PCDH7: variants seen among roughly 807,000 people sequenced by gnomAD.
PCDH7 encodes protocadherin-7.
PCDH7 carries 17 observed loss-of-function variants against 58.9 expected under a neutral mutation model. That is an observed-to-expected ratio of 0.29 (90% CI 0.20 to 0.43). The LOEUF (loss-of-function observed/expected upper bound fraction) is 0.43. Among genes scored for constraint, PCDH7 ranks in the 20% least tolerant of loss-of-function variants. The probability of loss-of-function intolerance (pLI) is 1.00; values close to 1 mark genes in which losing one functional copy is unlikely to be tolerated. For missense variants in PCDH7, 1,274 were observed against 1,441.0 expected (o/e 0.88, Z 1.88); for synonymous variants, 664 against 616.4 (o/e 1.08, Z -1.14).
intron 2 of PCDH7, among the ~76,000 whole-genome samples, chr4:30,946,559 T>C (rs1201708776): frequency 6.6e-6 from 1 of 152,146 alleles, no homozygotes; most frequent in Non-Finnish European, 1.5e-5. Context: ...AACTCTTTTT[T>C]TGCTGCCATT....
intron 1 of PCDH7, among the ~76,000 whole-genome samples, chr4:30,859,495 A>G (rs1560442491): frequency 6.7e-6 from 1 of 149,138 alleles, no homozygotes; most frequent in African/African-American, 2.5e-5. Context: ...GCTGGAGTGC[A>G]GTGGTGCAAT....
intron 1 of PCDH7, among the ~76,000 whole-genome samples, chr4:30,802,856 CAG>C (rs1290206203): frequency 3.9e-5 from 6 of 152,092 alleles, no homozygotes; most frequent in Admixed American, 3.9e-4. Context: ...AAATTTGTAG[CAG>C]AGTCAATCAG....
chr4:30,898,074 A>G (rs1160095473), intron 1 of PCDH7, among the ~76,000 whole-genome samples: 1 of 152,192 alleles, frequency 6.6e-6, no homozygotes, highest in Admixed American at 6.5e-5. Flanking sequence ...GCAGTAAGAT[A>G]AATTATACAT....
chr4:30,853,716 T>G (rs764016035), intron 1 of PCDH7, among the ~76,000 whole-genome samples: 1 of 152,144 alleles, frequency 6.6e-6, no homozygotes, highest in Admixed American at 6.6e-5. Flanking sequence ...AAGTCAAGTG[T>G]AAATGATGAT....
intron 1 of PCDH7, among the ~76,000 whole-genome samples, chr4:30,908,691 A>G (rs1411211942): frequency 6.6e-6 from 1 of 152,196 alleles, no homozygotes; most frequent in Non-Finnish European, 1.5e-5. Flanking sequence ...TCACAGCCAA[A>G]TTCTACCAGA....
At chr4:30,914,088 G>A (rs1742107659) in intron 1 of PCDH7, among the ~76,000 whole-genome samples, 2 of 152,098 alleles carry the variant, frequency 1.3e-5, no homozygotes, top group Middle Eastern at 3.2e-3. Flanking sequence ...GGCAGATAGA[G>A]GACCTCTCCC....
chr4:31,047,372 A>G (rs1279493810), intron 3 of PCDH7, among the ~76,000 whole-genome samples: 2 of 152,028 alleles, frequency 1.3e-5, no homozygotes, highest in Non-Finnish European at 2.9e-5. Context: ...CTTGGTCATC[A>G]TTTCATCTTT....
chr4:30,889,247 A>G (rs573810565), intron 1 of PCDH7, among the ~76,000 whole-genome samples: 1 of 151,966 alleles, frequency 6.6e-6, no homozygotes, highest in South Asian at 2.1e-4. Flanking sequence ...TTAATTAAGC[A>G]TTTATGACGT....
intron 3 of PCDH7, among the ~76,000 whole-genome samples, chr4:31,048,037 C>T (rs895971877): frequency 1.3e-5 from 2 of 151,966 alleles, no homozygotes; most frequent in Non-Finnish European, 2.9e-5. Context: ...TTTAATTAAG[C>T]AGTTATCTAT....
At chr4:30,987,431 TA>T (rs1244899984) in intron 3 of PCDH7, 1 of 152,130 alleles carries the variant, frequency 6.6e-6, no homozygotes, top group Non-Finnish European at 1.5e-5. Context: ...GAACCTCATT[TA>T]ATAGCTATAA....
At chr4:31,057,378 T>C (rs2109232292) in intron 3 of PCDH7, among the ~76,000 whole-genome samples, 1 of 152,232 alleles carries the variant, frequency 6.6e-6, no homozygotes, top group South Asian at 2.1e-4. Context: ...CTTTCAACAG[T>C]AGTGATGCAG....
chr4:31,097,449 GT>G (rs1244461138), intron 3 of PCDH7, among the ~76,000 whole-genome samples: 2 of 144,154 alleles, frequency 1.4e-5, no homozygotes, highest in African/African-American at 2.6e-5. Flanking sequence ...GTAAGACTTC[GT>G]CTAAAAAAGG....
chr4:30,889,137 C>CAAAAAAAA (rs371917620), intron 1 of PCDH7, among the ~76,000 whole-genome samples: 1 of 49,980 alleles, frequency 2.0e-5, no homozygotes, highest in African/African-American at 7.5e-5. Flanking sequence ...GCAGATATCT[C>CAAAAAAAA]AAAAAAAAAA....
intron 3 of PCDH7, among the ~76,000 whole-genome samples, chr4:31,018,770 A>T (rs79950753): frequency 6.6e-6 from 1 of 152,198 alleles, no homozygotes; most frequent in Admixed American, 6.5e-5. Context: ...TGCTTCTCCA[A>T]CCATGATTTT....
At chr4:30,867,652 A>G (rs1240985725) in intron 1 of PCDH7, among the ~76,000 whole-genome samples, 1 of 152,082 alleles carries the variant, frequency 6.6e-6, no homozygotes, top group Non-Finnish European at 1.5e-5. Flanking sequence ...AGGAGCCCAC[A>G]GAAGGTTTGG....
chr4:30,824,121 T>TTCTTTC (rs1290213401), intron 1 of PCDH7, among the ~76,000 whole-genome samples: 7 of 146,296 alleles, frequency 4.8e-5, no homozygotes, highest in Non-Finnish European at 1.0e-4. Flanking sequence ...CTTTCTTTCT[T>TTCTTTC]TCTTTCTTTC....
intron 3 of PCDH7, among the ~76,000 whole-genome samples, chr4:31,014,242 G>A (rs7689488): frequency 0.083 from 12,545 of 152,006 alleles, 936 homozygotes; most frequent in African/African-American, 0.2. Flanking sequence ...AAAAATGCTT[G>A]GAATGCTGCC....
At chr4:30,924,924 A>G (rs1743650223) in intron 2 of PCDH7, among the ~76,000 whole-genome samples, 1 of 152,084 alleles carries the variant, frequency 6.6e-6, no homozygotes, top group African/African-American at 2.4e-5. Flanking sequence ...TCCATAAACC[A>G]GGTTTATAAC....
At chr4:31,112,731 T>C (rs2109313164) in intron 3 of PCDH7, among the ~76,000 whole-genome samples, 1 of 152,332 alleles carries the variant, frequency 6.6e-6, no homozygotes, top group Non-Finnish European at 1.5e-5. Context: ...CAGGTATTTT[T>C]ACAATGTGGG....
Sources: gnomAD v4.1 joint callset for allele counts (sites outside exome capture counted in the v4.1 genomes callset) on GRCh38, gnomAD v4.1.1 for gene constraint, MANE v1.5 for transcripts, NCBI Gene and HGNC (gene_info 2026-07-23, HGNC 2026-07-21) for gene names.